The following ZNF695 variants were observed in gnomAD, a reference collection of about 807,000 sequenced individuals.
The protein encoded by ZNF695 is zinc finger protein SBZF3.
In ZNF695, 11 loss-of-function variants were observed where a neutral mutation model predicts 11.2. That is an observed-to-expected ratio of 0.98 (90% CI 0.62 to 1.62). ZNF695 has a LOEUF of 1.62. Among genes scored for constraint, ZNF695 ranks in the 40% most tolerant of loss-of-function variants. The pLI, the probability that ZNF695 is intolerant of heterozygous loss-of-function variation, is 0.00. For synonymous variants in ZNF695, 190 were observed against 201.4 expected, an observed-to-expected ratio of 0.94 and a Z score of 0.48; for missense variants, 559 against 590.5, an observed-to-expected ratio of 0.95 and a Z score of 0.55.
intron 5 of ZNF695, among the ~76,000 whole-genome samples, chr1:246,962,918 C>T (rs1015706973): frequency 6.6e-6 from 1 of 152,218 alleles, no homozygotes; most frequent in Admixed American, 6.5e-5. Flanking sequence ...ACCTTGTGAT[C>T]CGCCCATCTG....
At chr1:247,007,823 C>A in intron 1 of ZNF695, 83 bp downstream of exon 1, 2 of 1,436,496 alleles carry the variant, frequency 1.4e-6, no homozygotes, top group Non-Finnish European at 1.9e-6. Flanking sequence ...AGGCCCGGGG[C>A]CGCCAGCGCT....
intron 1 of ZNF695, among the ~76,000 whole-genome samples, chr1:247,005,606 C>T (rs6698318): frequency 0.58 from 88,149 of 151,808 alleles, 27,584 homozygotes; most frequent in East Asian, 0.97. Flanking sequence ...CCAGTTTACT[C>T]GGGAGGCTGA....
intron 4 of ZNF695, among the ~76,000 whole-genome samples, chr1:246,977,501 C>T (rs1179308954): frequency 2.0e-5 from 3 of 152,204 alleles, no homozygotes; most frequent in African/African-American, 4.8e-5. Flanking sequence ...ATCCACCCGC[C>T]TCAGCCTCCA....
chr1:246,976,009 G>A (rs929773994), intron 4 of ZNF695, among the ~76,000 whole-genome samples: 26 of 152,198 alleles, frequency 1.7e-4, no homozygotes, highest in South Asian at 2.1e-4. Context: ...TTAAGAGAGA[G>A]AGGCTTCCCA....
chr1:246,986,577 T>C lies in ZNF695; in HGVS notation c.*390A>G, dbSNP rs1439017355. The C allele has an allele frequency of 2.0e-6, 2 of 999,758 alleles. No individual in the cohort carries two copies. The highest frequency in any genetic ancestry group is 5.7e-5 in the Admixed American group (1 of 17,450). The allele number at this position is 999,758 out of a possible 1,614,324, so 61.9% of individuals were successfully genotyped here. ...GACATTTTTTCACATTTACTGCATC[T>C]GTAAAACAGTTTTTAGTGTGAACAC... On this transcript the variant is annotated 3_prime_UTR_variant, in exon 4 of 4. Transcript: ENST00000339986.
chr1:246,993,382 G>C (rs1252691706), intron 3 of ZNF695, among the ~76,000 whole-genome samples: 1 of 152,010 alleles, frequency 6.6e-6, no homozygotes, highest in Non-Finnish European at 1.5e-5. Flanking sequence ...ACTCCAGCCT[G>C]GGAGACAGAG....
intron 5 of ZNF695, among the ~76,000 whole-genome samples, chr1:246,949,310 G>C (rs1667813306): frequency 6.6e-6 from 1 of 152,012 alleles, no homozygotes; most frequent in Non-Finnish European, 1.5e-5. Flanking sequence ...TATCTCTTGG[G>C]CCGGGCCTGG....
chr1:246,955,816 T>C (rs908970850), intron 5 of ZNF695, among the ~76,000 whole-genome samples: 1 of 152,118 alleles, frequency 6.6e-6, no homozygotes, highest in African/African-American at 2.4e-5. Context: ...CAGAAGGTGC[T>C]CAGTGAGTCC....
chr1:246,984,056 G>A (rs1668777981), downstream of ZNF695, among the ~76,000 whole-genome samples: 1 of 150,708 alleles, frequency 6.6e-6, no homozygotes, highest in African/African-American at 2.4e-5. Flanking sequence ...GGGGGCTGAG[G>A]TGGGATGATT....
intron 5 of ZNF695, among the ~76,000 whole-genome samples, chr1:246,960,269 T>TAC (rs148838899): frequency 0.021 from 3,259 of 152,276 alleles, 68 homozygotes; most frequent in African/African-American, 0.055. Context: ...CTAATATATT[T>TAC]AGAGTGAACA....
intron 3 of ZNF695, among the ~76,000 whole-genome samples, chr1:246,991,547 G>C (rs966981197): frequency 7.9e-5 from 12 of 152,134 alleles, no homozygotes; most frequent in African/African-American, 2.9e-4. Context: ...TGATCATCAG[G>C]GAAATGCAAA....
At chr1:246,960,077 T>A (rs1405932076) in intron 5 of ZNF695, among the ~76,000 whole-genome samples, 1 of 152,244 alleles carries the variant, frequency 6.6e-6, no homozygotes, top group Non-Finnish European at 1.5e-5. Flanking sequence ...ACCAATCTCA[T>A]TGAAAAACCC....
intron 5 of ZNF695, among the ~76,000 whole-genome samples, chr1:246,959,772 T>C (rs916115207): frequency 6.6e-6 from 1 of 152,188 alleles, no homozygotes; most frequent in African/African-American, 2.4e-5. Flanking sequence ...CTTGTCACTT[T>C]TTCTTACAAT....
intron 5 of ZNF695, among the ~76,000 whole-genome samples, chr1:246,947,337 C>T (rs1667765062): frequency 6.6e-6 from 1 of 151,880 alleles, no homozygotes; most frequent in Admixed American, 6.6e-5. Flanking sequence ...AATCCCCCTG[C>T]TTCAGCCTCT....
chr1:246,957,893 C>G (rs747247116), intron 5 of ZNF695, among the ~76,000 whole-genome samples: 2 of 152,028 alleles, frequency 1.3e-5, no homozygotes, highest in Non-Finnish European at 2.9e-5. Flanking sequence ...CACACCCAGC[C>G]TTGTATTTTC....
At chr1:246,955,458 A>G (rs1667972886) in intron 5 of ZNF695, among the ~76,000 whole-genome samples, 1 of 152,212 alleles carries the variant, frequency 6.6e-6, no homozygotes, top group Non-Finnish European at 1.5e-5. Flanking sequence ...ATTATGTGAC[A>G]AAATGTGTAT....
chr1:246,960,949 G>A (rs1668148418), intron 5 of ZNF695, among the ~76,000 whole-genome samples: 1 of 152,016 alleles, frequency 6.6e-6, no homozygotes, highest in Non-Finnish European at 1.5e-5. Context: ...CACAAAGAAT[G>A]GTAGAGAGAG....
intron 4 of ZNF695, chr1:246,968,124 G>A (rs563075751): frequency 2.0e-4 from 31 of 152,772 alleles, no homozygotes; most frequent in African/African-American, 7.0e-4. Context: ...AGTTTCATCT[G>A]AGATAAGGCA....
intron 5 of ZNF695, among the ~76,000 whole-genome samples, chr1:246,947,854 T>A (rs1034668824): frequency 6.6e-6 from 1 of 152,132 alleles, no homozygotes; most frequent in Non-Finnish European, 1.5e-5. Context: ...GTAGCTATTG[T>A]TTTTCTAATA....
Sources: allele counts gnomAD v4.1 joint callset (sites outside exome capture counted in the v4.1 genomes callset), GRCh38; gene constraint gnomAD v4.1.1; transcripts MANE v1.5; gene names NCBI Gene and HGNC (gene_info 2026-07-23, HGNC 2026-07-21).